The following PTPRN2 variants were observed in gnomAD, a reference collection of about 807,000 sequenced individuals.
The protein encoded by PTPRN2 is receptor-type tyrosine-protein phosphatase N2.
In PTPRN2, 74 loss-of-function variants were observed where a neutral mutation model predicts 118.8. That is an observed-to-expected ratio of 0.62 (90% CI 0.52 to 0.76). PTPRN2 has a LOEUF of 0.76. Among genes scored for constraint, PTPRN2 ranks in the 30% least tolerant of loss-of-function variants. The pLI is 0.00. For synonymous variants in PTPRN2, 641 were observed against 608.0 expected (o/e 1.05, Z -0.80); for missense variants, 1,481 against 1,394.4 (o/e 1.06, Z -0.99).
intron 14 of PTPRN2, among the ~76,000 whole-genome samples, chr7:157,640,647 C>G (rs1175984496): frequency 1.2e-4 from 19 of 152,128 alleles, no homozygotes; most frequent in Non-Finnish European, 2.9e-5. Context: ...GAGCGGCCCA[C>G]AAAGGAACCA....
intron 12 of PTPRN2, among the ~76,000 whole-genome samples, chr7:157,789,968 C>T (rs1215941868): frequency 7.1e-4 from 70 of 97,922 alleles, no homozygotes; most frequent in African/African-American, 2.5e-3. Flanking sequence ...GTGACATGTG[C>T]GTATGGTGGT....
chr7:158,292,151 T>C (rs897532696), intron 3 of PTPRN2, among the ~76,000 whole-genome samples: 2 of 152,332 alleles, frequency 1.3e-5, no homozygotes, highest in South Asian at 4.1e-4. Context: ...GGGTTTTCTG[T>C]GCTGCCATCT....
intron 12 of PTPRN2, among the ~76,000 whole-genome samples, chr7:157,807,567 A>G (rs1805710901): frequency 6.6e-6 from 1 of 152,218 alleles, no homozygotes; most frequent in Admixed American, 6.5e-5. Flanking sequence ...GCCTTTCTGC[A>G]CAGCCAGGGG....
At chr7:157,621,594 A>G (rs1803250019) in intron 14 of PTPRN2, 85 bp from the exon 15 acceptor site, 2 of 1,544,808 alleles carry the variant, frequency 1.3e-6, no homozygotes, top group South Asian at 1.2e-5. Context: ...AGGCCTTTGC[A>G]CTCGCCGCGT....
chr7:158,583,562 C>G (rs1828747011), intron 1 of PTPRN2, among the ~76,000 whole-genome samples: 1 of 152,072 alleles, frequency 6.6e-6, no homozygotes, highest in African/African-American at 2.4e-5. Flanking sequence ...CGCTAACACA[C>G]AGCTAAGCTC....
intron 11 of PTPRN2, among the ~76,000 whole-genome samples, chr7:158,008,911 C>T (rs923239611): frequency 1.3e-5 from 2 of 152,158 alleles, no homozygotes; most frequent in African/African-American, 4.8e-5. Flanking sequence ...AATTTTATCA[C>T]GTTGATATAC....
chr7:158,149,568 C>T (rs1003479149), intron 6 of PTPRN2, among the ~76,000 whole-genome samples: 10 of 152,180 alleles, frequency 6.6e-5, no homozygotes, highest in Admixed American at 2.6e-4. Context: ...CTTTGGGGTC[C>T]GAGGTGGGTG....
intron 1 of PTPRN2, among the ~76,000 whole-genome samples, chr7:158,528,804 C>T (rs867066961): frequency 6.9e-5 from 9 of 129,836 alleles, no homozygotes; most frequent in Admixed American, 2.3e-4. Context: ...GTCTCAAAAA[C>T]GGAAAAAAAA....
intron 3 of PTPRN2, among the ~76,000 whole-genome samples, chr7:158,261,185 G>A (rs1216853730): frequency 6.6e-6 from 1 of 152,148 alleles, no homozygotes; most frequent in Non-Finnish European, 1.5e-5. Context: ...GGAAGACCCT[G>A]CCTACGGGCA....
At chr7:157,571,613 T>C (rs1799762174) in intron 19 of PTPRN2, 120 bp from the exon 20 acceptor site, 1 of 665,246 alleles carries the variant, frequency 1.5e-6, no homozygotes, top group East Asian at 2.9e-5. Context: ...ATCGCTTGTT[T>C]TGACGGAGAA....
intron 11 of PTPRN2, among the ~76,000 whole-genome samples, chr7:158,056,831 G>A (rs779709127): frequency 2.0e-5 from 3 of 152,148 alleles, no homozygotes; most frequent in Non-Finnish European, 4.4e-5. Flanking sequence ...TAAGTCCCAC[G>A]CATCATCCCA....
At chr7:158,252,959 G>T (rs933467162) in intron 3 of PTPRN2, among the ~76,000 whole-genome samples, 5 of 152,146 alleles carry the variant, frequency 3.3e-5, no homozygotes, top group African/African-American at 1.2e-4. Context: ...CGGAGTGAGA[G>T]TCCCTGTGGC....
chr7:157,867,325 T>C (rs1441904924), intron 12 of PTPRN2, among the ~76,000 whole-genome samples: 13 of 39,388 alleles, frequency 3.3e-4, no homozygotes, highest in South Asian at 1.2e-3. Flanking sequence ...GCCACCACCC[T>C]GTCCCTGACA....
chr7:158,396,409 T>C (rs1440146845), intron 2 of PTPRN2, among the ~76,000 whole-genome samples: 1 of 152,236 alleles, frequency 6.6e-6, no homozygotes, highest in East Asian at 1.9e-4. Flanking sequence ...TCTGTGTGTG[T>C]GTGTACATGT....
rs143192316 is a variant in PTPRN2, at chr7:157,993,746, C to T, written c.1723+87552G>A. On this transcript the variant is annotated intron_variant, in intron 11 of 22. Transcript: ENST00000389418. ...ACAGCAGGAAGAACCCATCCTAGGT[C>T]GGAAGTTCAAATCTCTGATTTGAGA... Among the ~76,000 whole-genome samples, 38 of 152,162 alleles carry T rather than the reference C, an allele frequency of 2.5e-4. 1 individual carries two copies. Among genetic ancestry groups the T allele is most frequent in the African/African-American group, 8.2e-4 (34 of 41,438 alleles).
intron 3 of PTPRN2, among the ~76,000 whole-genome samples, chr7:158,300,725 A>T (rs982277610): frequency 6.6e-6 from 1 of 151,762 alleles, no homozygotes; most frequent in Non-Finnish European, 1.5e-5. Flanking sequence ...CCTCTCTCCC[A>T]CTCACATTGC....
intron 2 of PTPRN2, among the ~76,000 whole-genome samples, chr7:158,393,100 C>T (rs910472696): frequency 5.3e-5 from 8 of 152,072 alleles, no homozygotes; most frequent in African/African-American, 1.7e-4. Flanking sequence ...CCCCAGGTGG[C>T]CCTGGTCTTA....
intron 2 of PTPRN2, among the ~76,000 whole-genome samples, chr7:158,446,974 G>A (rs972854753): frequency 3.3e-5 from 5 of 152,214 alleles, no homozygotes; most frequent in South Asian, 2.1e-4. Context: ...AGAAGCCCAC[G>A]GGTGGCTTTG....
At chr7:158,325,667 A>T (rs1377895017) in intron 2 of PTPRN2, among the ~76,000 whole-genome samples, 3 of 152,208 alleles carry the variant, frequency 2.0e-5, no homozygotes, top group Non-Finnish European at 4.4e-5. Context: ...GCCTTTGCAG[A>T]TGAGAGGCGT....
Sources: allele counts gnomAD v4.1 joint callset (sites outside exome capture counted in the v4.1 genomes callset), GRCh38; gene constraint gnomAD v4.1.1; transcripts MANE v1.5; gene names NCBI Gene and HGNC (gene_info 2026-07-23, HGNC 2026-07-21).